Variants in MYO1D observed in about 807,000 individuals in gnomAD.
The protein encoded by MYO1D is myosin ID, also known as unconventional myosin-Id.
In MYO1D, 83 loss-of-function variants were observed where a neutral mutation model predicts 122.0. The ratio of observed to expected loss-of-function variants is 0.68; its 90% CI spans 0.57 to 0.82. MYO1D has a LOEUF of 0.82. Among genes scored for constraint, MYO1D ranks in the 40% least tolerant of loss-of-function variants. The pLI, the probability that MYO1D is intolerant of heterozygous loss-of-function variation, is 0.00. For synonymous variants in MYO1D, 464 were observed against 446.9 expected, an observed-to-expected ratio of 1.04 and a Z score of -0.48; for missense variants, 1,157 against 1,269.5, an observed-to-expected ratio of 0.91 and a Z score of 1.35.
At chr17:32,597,868 CAAAAAAA>C (rs755415435) in intron 21 of MYO1D, among the ~76,000 whole-genome samples, 39 of 62,716 alleles carry the variant, frequency 6.2e-4, no homozygotes, top group Admixed American at 2.1e-3. Context: ...AACCCTGTCT[CAAAAAAA>C]AAAAAAAAAA....
At chr17:32,791,613 TA>T (rs1366883381) in intron 1 of MYO1D, among the ~76,000 whole-genome samples, 81 of 151,994 alleles carry the variant, frequency 5.3e-4, no homozygotes, top group African/African-American at 1.7e-3. Flanking sequence ...TATAAAAATA[TA>T]CAAAGAGAAA....
chr17:32,648,908 C>T (rs1481416220), intron 19 of MYO1D, among the ~76,000 whole-genome samples: 4 of 151,072 alleles, frequency 2.6e-5, no homozygotes, highest in South Asian at 2.1e-4. Context: ...TTTATAATTT[C>T]GTTTCTCTCC....
At chr17:32,499,585 G>C (rs1307787354) in intron 21 of MYO1D, among the ~76,000 whole-genome samples, 1 of 151,492 alleles carries the variant, frequency 6.6e-6, no homozygotes, top group African/African-American at 2.4e-5. Flanking sequence ...AGTGAGCCAA[G>C]ATCATGCCAC....
intron 14 of MYO1D, among the ~76,000 whole-genome samples, chr17:32,721,719 G>A (rs1209255687): frequency 2.0e-5 from 3 of 152,132 alleles, no homozygotes; most frequent in East Asian, 1.9e-4. Context: ...TAAACTTCAC[G>A]GGTAAGTAGA....
chr17:32,671,837 C>T (rs2088725919), intron 16 of MYO1D, among the ~76,000 whole-genome samples: 1 of 152,132 alleles, frequency 6.6e-6, no homozygotes, highest in South Asian at 2.1e-4. Flanking sequence ...CATATTGGAG[C>T]CTGAGGCAAA....
chr17:32,702,582 C>G (rs553243301), intron 16 of MYO1D, among the ~76,000 whole-genome samples: 2 of 152,110 alleles, frequency 1.3e-5, no homozygotes, highest in Non-Finnish European at 2.9e-5. Flanking sequence ...TCCTCGCCCC[C>G]CAGTGCTATT....
chr17:32,523,780 G>T (rs1211691582), intron 21 of MYO1D, among the ~76,000 whole-genome samples: 3 of 97,850 alleles, frequency 3.1e-5, no homozygotes, highest in Admixed American at 1.2e-4. Flanking sequence ...AACAGAAAAA[G>T]ACCCTGTCTC....
At chr17:32,649,711 G>A (rs1567929349) in intron 19 of MYO1D, among the ~76,000 whole-genome samples, 1 of 151,612 alleles carries the variant, frequency 6.6e-6, no homozygotes, top group Admixed American at 6.6e-5. Context: ...AGCTGGGATT[G>A]CAGGCCTGTG....
chr17:32,682,945 TTTCTTTTTA>T (rs1222769290), intron 16 of MYO1D, among the ~76,000 whole-genome samples: 2 of 99,498 alleles, frequency 2.0e-5, no homozygotes, highest in African/African-American at 9.6e-5. Context: ...GCTTTGCTCA[TTTCTTTTTA>T]TTCTTTTTTC....
intron 19 of MYO1D, 59 bp from the exon 20 acceptor site, chr17:32,638,894 T>G: frequency 8.3e-7 from 1 of 1,204,144 alleles, no homozygotes; most frequent in Non-Finnish European, 1.2e-6. Context: ...TCAAGTTGGC[T>G]GATTGTGAAG....
chr17:32,664,089 C>T (rs1597984959), intron 16 of MYO1D, among the ~76,000 whole-genome samples: 1 of 152,260 alleles, frequency 6.6e-6, no homozygotes, highest in East Asian at 1.9e-4. Context: ...TATGAGAAGT[C>T]CCTTAGGCTC....
intron 14 of MYO1D, among the ~76,000 whole-genome samples, chr17:32,727,267 T>A (rs1486306396): frequency 6.6e-6 from 1 of 152,194 alleles, no homozygotes; most frequent in Non-Finnish European, 1.5e-5. Flanking sequence ...GGAGATGAGA[T>A]CCACATTGGA....
chr17:32,870,251 G>C (rs2151093014), intron 1 of MYO1D, among the ~76,000 whole-genome samples: 1 of 152,190 alleles, frequency 6.6e-6, no homozygotes. Flanking sequence ...CTTCAAAAGA[G>C]GTTGCCAAAG....
rs151212729 is a variant in MYO1D, at chr17:32,782,995, A to G, written c.96-2211T>C. Among the ~76,000 whole-genome samples, 29 of 152,284 alleles carry G rather than the reference A, an allele frequency of 1.9e-4. No individual in the cohort carries two copies. In the East Asian group the frequency reaches 5.6e-3, roughly 29 times the overall value. ...CAGTCAACTACAAGTCACAAGCAAA[A>G]TATCTATATAACAACTGTTCAAAGA... On this transcript the variant is annotated intron_variant, in intron 1 of 21. Transcript: ENST00000318217.
intron 7 of MYO1D, 142 bp downstream of exon 7, chr17:32,767,494 C>A (rs1439555983): frequency 3.7e-6 from 2 of 543,188 alleles, no homozygotes; most frequent in Non-Finnish European, 6.4e-6. Flanking sequence ...TGGCAAGAAC[C>A]ACAGACATAG....
chr17:32,591,480 A>G (rs2087438159), intron 21 of MYO1D, among the ~76,000 whole-genome samples: 1 of 152,142 alleles, frequency 6.6e-6, no homozygotes, highest in African/African-American at 2.4e-5. Flanking sequence ...TGTGGTAAAC[A>G]GGATCCTGGT....
At chr17:32,871,680 G>C (rs1354268155) in intron 1 of MYO1D, among the ~76,000 whole-genome samples, 2 of 152,208 alleles carry the variant, frequency 1.3e-5, no homozygotes. Context: ...AAGCATTTCT[G>C]TCAAGGACAC....
At chr17:32,688,922 T>A (rs200329047) in intron 16 of MYO1D, among the ~76,000 whole-genome samples, 4 of 96,908 alleles carry the variant, frequency 4.1e-5, no homozygotes, top group Admixed American at 1.0e-4. Context: ...ATTTTTGAAG[T>A]GTGTGTGTGT....
At chr17:32,518,855 C>T (rs1395539976) in intron 21 of MYO1D, 1 of 152,284 alleles carries the variant, frequency 6.6e-6, no homozygotes, top group African/African-American at 2.4e-5. Flanking sequence ...ATAACGACTT[C>T]AACTCTCAGA....
Sources: gnomAD v4.1 joint callset for allele counts (sites outside exome capture counted in the v4.1 genomes callset) on GRCh38, gnomAD v4.1.1 for gene constraint, MANE v1.5 for transcripts, NCBI Gene and HGNC (gene_info 2026-07-23, HGNC 2026-07-21) for gene names.